Variants in PVT1 observed in about 807,000 individuals in gnomAD.
PVT1 encodes the protein Pvt1 oncogene, also known as CXCR4/PVT1 fusion.
At chr8:127,838,644 T>A (rs2129711161) in intron 2 of PVT1, among the ~76,000 whole-genome samples, 1 of 152,284 alleles carries the variant, frequency 6.6e-6, no homozygotes, top group Admixed American at 6.5e-5. Flanking sequence ...GGTGGAAGTT[T>A]CAGTGAGTCG....
intron 4 of PVT1, among the ~76,000 whole-genome samples, chr8:128,033,667 TTCAGCGA>T (rs1490499092): frequency 2.6e-5 from 4 of 152,172 alleles, no homozygotes; most frequent in Admixed American, 6.5e-5. Flanking sequence ...GCCTCACCAG[TTCAGCGA>T]AATCTCCAGC....
intron 3 of PVT1, among the ~76,000 whole-genome samples, chr8:127,902,447 T>C (rs1815770624): frequency 6.6e-6 from 1 of 152,134 alleles, no homozygotes; most frequent in Admixed American, 6.5e-5. Flanking sequence ...TTTTCACTTT[T>C]TATTTTAGAA....
chr8:127,929,767 C>T (rs78154334), intron 3 of PVT1, among the ~76,000 whole-genome samples: 1 of 129,786 alleles, frequency 7.7e-6, no homozygotes, highest in Admixed American at 7.7e-5. Context: ...GACTCCGTCT[C>T]AAAAAAAAAA....
At chr8:128,003,713 G>A (rs1319232346) in intron 4 of PVT1, among the ~76,000 whole-genome samples, 1 of 152,210 alleles carries the variant, frequency 6.6e-6, no homozygotes, top group Admixed American at 6.5e-5. Context: ...ATGCATATGT[G>A]TAAATTATAA....
At chr8:128,001,171 C>T (rs1032394370) in intron 4 of PVT1, among the ~76,000 whole-genome samples, 6 of 152,194 alleles carry the variant, frequency 3.9e-5, no homozygotes, top group East Asian at 1.9e-4. Flanking sequence ...GGAAGCCCTG[C>T]GTGCTGTCTG....
chr8:127,969,915 G>A (rs1008985814), intron 3 of PVT1, among the ~76,000 whole-genome samples: 7 of 152,180 alleles, frequency 4.6e-5, no homozygotes, highest in African/African-American at 1.2e-4. Context: ...CAGGAGCAGC[G>A]CTGTCCATCC....
intron 4 of PVT1, among the ~76,000 whole-genome samples, chr8:128,030,096 G>T (rs1332703331): frequency 1.3e-5 from 2 of 152,144 alleles, no homozygotes; most frequent in Non-Finnish European, 2.9e-5. Context: ...TTGGGTGACA[G>T]AATGAGATGC....
At chr8:128,081,412 C>T (rs1487239441) in intron 5 of PVT1, among the ~76,000 whole-genome samples, 3 of 152,094 alleles carry the variant, frequency 2.0e-5, no homozygotes, top group African/African-American at 4.8e-5. Flanking sequence ...CACCAAGGAG[C>T]GCAATTATTG....
intron 4 of PVT1, among the ~76,000 whole-genome samples, chr8:128,040,517 A>AC (rs147358549): frequency 0.015 from 2,267 of 152,280 alleles, 68 homozygotes; most frequent in African/African-American, 0.051. Context: ...GGAAAATCCT[A>AC]ACACATGGAA....
At chr8:128,065,893 G>T (rs764375524) in intron 4 of PVT1, among the ~76,000 whole-genome samples, 3 of 152,206 alleles carry the variant, frequency 2.0e-5, no homozygotes, top group Non-Finnish European at 2.9e-5. Context: ...ACAAATATTT[G>T]CTGAGAGTCC....
At chr8:127,866,478 C>T (rs1815287541) in intron 2 of PVT1, among the ~76,000 whole-genome samples, 2 of 152,166 alleles carry the variant, frequency 1.3e-5, no homozygotes, top group South Asian at 4.1e-4. Flanking sequence ...ATCCTGCCTT[C>T]CTTCAGTGTC....
chr8:128,041,610 GGTGTGT>G (rs58542209), intron 4 of PVT1, among the ~76,000 whole-genome samples: 1 of 88,802 alleles, frequency 1.1e-5, no homozygotes, highest in Non-Finnish European at 2.5e-5. Flanking sequence ...ACATGTGTTT[GGTGTGT>G]GTGTGTGTGT....
chr8:127,796,234 C>T (rs902757672), intron 2 of PVT1, among the ~76,000 whole-genome samples: 13 of 151,966 alleles, frequency 8.6e-5, no homozygotes, highest in African/African-American at 2.7e-4. Context: ...AATAGAAGTC[C>T]GTTTTTGTTT....
At position 128,006,594 on chromosome 8, in the gene PVT1, C is replaced by T. The variant is rs115068886; in HGVS notation, n.912+17303C>T. 5.3e-3 allele frequency among the ~76,000 whole-genome samples: 814 copies of T among 152,220 alleles called. 6 individuals are homozygous for T. Among genetic ancestry groups the T allele is most frequent in the African/African-American group, 0.019 (789 of 41,544 alleles). On this transcript the variant is annotated intron_variant and non_coding_transcript_variant, in intron 4 of 10. Coordinates refer to ENST00000651587, the Ensembl canonical transcript of PVT1. ...CTTTCACCAAACTAATTTTAGCATT[C>T]GTGGATAATTCTTGTCTGAAACAGT...
At chr8:128,084,597 C>T (rs1814233688) in intron 5 of PVT1, among the ~76,000 whole-genome samples, 1 of 152,206 alleles carries the variant, frequency 6.6e-6, no homozygotes, top group Non-Finnish European at 1.5e-5. Context: ...AAGGAATCCA[C>T]AGAAACCAGA....
chr8:128,085,965 T>G (rs1244804397), intron 5 of PVT1, among the ~76,000 whole-genome samples: 2 of 152,246 alleles, frequency 1.3e-5, no homozygotes, highest in Non-Finnish European at 2.9e-5. Context: ...CAAAGATTAG[T>G]ACAGACATCC....
Position 127,941,385 on chromosome 8 carries a change from CA to C in PVT1, n.783-47776del, listed in dbSNP as rs374415638. On this transcript the variant is annotated intron_variant and non_coding_transcript_variant, in intron 3 of 10. Transcript: ENST00000651587. ...ATTCACAGGTTCCAGGAAATTCCGA[CA>C]TGGGCATCTCTTTGATTGGAATGAG... 1.0e-3 allele frequency among the ~76,000 whole-genome samples: 154 copies of C among 152,294 alleles called. 1 individual carries two copies. In the Middle Eastern group the frequency reaches 0.01, roughly 10 times the overall value.
chr8:128,083,953 G>A (rs888259409), intron 5 of PVT1, among the ~76,000 whole-genome samples: 11 of 152,170 alleles, frequency 7.2e-5, no homozygotes, highest in African/African-American at 2.4e-4. Flanking sequence ...GTGTCCATTA[G>A]CAAATCCTAT....
chr8:127,914,232 T>G (rs902058491), intron 3 of PVT1, among the ~76,000 whole-genome samples: 7 of 116,404 alleles, frequency 6.0e-5, no homozygotes, highest in African/African-American at 1.0e-4. Context: ...CTAGGATGGC[T>G]GTAATTAAAC....
Sources: allele counts gnomAD v4.1 joint callset (sites outside exome capture counted in the v4.1 genomes callset), GRCh38; gene constraint gnomAD v4.1.1; transcripts MANE v1.5; gene names NCBI Gene and HGNC (gene_info 2026-07-23, HGNC 2026-07-21).